Variants in CFAP54 observed in about 807,000 individuals in gnomAD.
CFAP54 encodes cilia and flagella associated protein 54, also known as cilia- and flagella-associated protein 54.
A neutral mutation model predicts 370.4 loss-of-function variants in CFAP54; 290 were observed. The observed-to-expected ratio is 0.78, with a 90% CI of 0.71 to 0.86. The LOEUF is 0.86. Ranked by LOEUF, CFAP54 falls within the 40% of genes least tolerant of loss-of-function variation. The probability of loss-of-function intolerance (pLI) is 0.00; values close to 1 mark genes in which losing one functional copy is unlikely to be tolerated. For synonymous variants in CFAP54, 1,206 were observed against 1,236.5 expected (o/e 0.98, Z 0.52); for missense variants, 3,399 against 3,528.7 (o/e 0.96, Z 0.93).
At chr12:96,594,630 A>G (rs1300889728) in intron 25 of CFAP54, among the ~76,000 whole-genome samples, 184 bp downstream of exon 25, 1 of 152,210 alleles carries the variant, frequency 6.6e-6, no homozygotes, top group Non-Finnish European at 1.5e-5. Context: ...CATATAGATA[A>G]GGACATAAAA....
chr12:96,597,691 C>T (rs1215843671), intron 25 of CFAP54, among the ~76,000 whole-genome samples: 1 of 151,588 alleles, frequency 6.6e-6, no homozygotes, highest in African/African-American at 2.4e-5. Context: ...GTCCAAAAAC[C>T]ATGTCTGGTG....
Position 96,664,005 on chromosome 12 carries a change from C to A in CFAP54, c.5563+73C>A, listed in dbSNP as rs947849663. 6 of 1,063,184 alleles carry A rather than the reference C, an allele frequency of 5.6e-6. No homozygotes were observed. In the African/African-American group the frequency reaches 8.0e-5, roughly 14 times the overall value. 65.9% of individuals were successfully genotyped at this position (1,063,184 alleles called of 1,614,324 possible). Reference sequence around the variant, plus strand: ...TTGCCATTGTGTTCTGCATGTCAAACCTTCCATAATTAGTATGTTTGTAAA... The same window carrying A: ...TTGCCATTGTGTTCTGCATGTCAAAACTTCCATAATTAGTATGTTTGTAAA... On this transcript the variant is annotated intron_variant, in intron 39 of 67. Coordinates refer to ENST00000524981, the MANE Select transcript of CFAP54 (RefSeq NM_001306084.2).
chr12:96,835,396 G>A (rs1426947197), intron 66 of CFAP54, among the ~76,000 whole-genome samples: 4 of 152,122 alleles, frequency 2.6e-5, no homozygotes, highest in Non-Finnish European at 5.9e-5. Context: ...CCAAGGGTGG[G>A]CCCGGAAAAG....
At chr12:96,497,975 G>A (rs1368729194) in intron 1 of CFAP54, among the ~76,000 whole-genome samples, 1 of 152,174 alleles carries the variant, frequency 6.6e-6, no homozygotes, top group African/African-American at 2.4e-5. Context: ...TCTGTGACTT[G>A]TCTTGAATTC....
chr12:96,838,333 G>T (rs912646996), intron 66 of CFAP54, among the ~76,000 whole-genome samples: 3 of 152,090 alleles, frequency 2.0e-5, no homozygotes, highest in African/African-American at 7.2e-5. Context: ...TTTACAAGCT[G>T]CAGCTAAGTA....
chr12:96,720,444 C>T lies in CFAP54; in HGVS notation c.6844C>T (p.Leu2282Phe). 1.3e-6 allele frequency: 2 copies of T among 1,589,788 alleles called. No homozygotes were observed. Among genetic ancestry groups the T allele is most frequent in the Non-Finnish European group, 8.6e-7 (1 of 1,167,248 alleles). The change falls in exon 50 of 68, where the codon CTT becomes TTT. Residue 2282 changes from leucine to phenylalanine, a missense_variant. Leu to Phe is a conservative substitution (Grantham distance 22, BLOSUM62 0). Transcript: ENST00000524981. ...LMEAEDRLNF[L>F]LSEVEQKTLS... ...GGAAGCTGAGGACAGGCTAAACTTC[C>T]TTCTGTCCGAGGTGGAACAGAAGAC...
intron 60 of CFAP54, among the ~76,000 whole-genome samples, chr12:96,769,507 C>G (rs1958435904): frequency 6.6e-6 from 1 of 152,220 alleles, no homozygotes; most frequent in Non-Finnish European, 1.5e-5. Context: ...GCAGCTCTCT[C>G]ATCAGCAGCT....
intron 26 of CFAP54, among the ~76,000 whole-genome samples, chr12:96,608,483 G>A (rs1369102099): frequency 1.0e-5 from 1 of 97,534 alleles, no homozygotes; most frequent in Non-Finnish European, 2.1e-5. Context: ...TTTTTTTGAG[G>A]CAGAGTCTCA....
At chr12:96,863,763 G>A (rs1334406418) in intron 67 of CFAP54, among the ~76,000 whole-genome samples, 1 of 151,890 alleles carries the variant, frequency 6.6e-6, no homozygotes, top group Non-Finnish European at 1.5e-5. Flanking sequence ...TCTGGGGAAG[G>A]CAGAGCTCTT....
At chr12:96,720,697 C>A in intron 50 of CFAP54, 132 bp downstream of exon 50, 1 of 777,342 alleles carries the variant, frequency 1.3e-6, no homozygotes. Flanking sequence ...TTTTATTATT[C>A]AGGGAAGTTT....
chr12:96,828,258 T>G (rs909397890), intron 65 of CFAP54, among the ~76,000 whole-genome samples: 4 of 151,250 alleles, frequency 2.6e-5, no homozygotes, highest in Non-Finnish European at 4.4e-5. Context: ...AGGTAGTGTT[T>G]GTCAGTATGA....
At chr12:96,656,273 A>G (rs1259161774) in intron 36 of CFAP54, among the ~76,000 whole-genome samples, 1 of 152,116 alleles carries the variant, frequency 6.6e-6, no homozygotes, top group African/African-American at 2.4e-5. Context: ...AATGTTGCCA[A>G]ATTTAGGAGA....
intron 12 of CFAP54, among the ~76,000 whole-genome samples, chr12:96,537,052 T>G (rs1347355100): frequency 6.6e-6 from 1 of 152,192 alleles, no homozygotes; most frequent in Non-Finnish European, 1.5e-5. Flanking sequence ...TCCCAAACAT[T>G]GCAGGAAGGT....
intron 64 of CFAP54, among the ~76,000 whole-genome samples, chr12:96,813,471 C>T (rs1283882871): frequency 6.6e-6 from 1 of 152,168 alleles, no homozygotes; most frequent in East Asian, 1.9e-4. Flanking sequence ...ACTTGGATAA[C>T]CTGCAAATTG....
chr12:96,826,630 A>T (rs1428670183), intron 65 of CFAP54, among the ~76,000 whole-genome samples: 2 of 108,184 alleles, frequency 1.8e-5, no homozygotes, highest in Non-Finnish European at 3.3e-5. Flanking sequence ...TATATGTTAT[A>T]TATTAAATAT....
At chr12:96,682,165 T>C (rs933347270) in intron 40 of CFAP54, 16 of 984,728 alleles carry the variant, frequency 1.6e-5, no homozygotes, top group Non-Finnish European at 1.9e-5. Flanking sequence ...AATAAATGAT[T>C]CAAAATGTAC....
intron 42 of CFAP54, 45 bp downstream of exon 42, chr12:96,685,283 C>T: frequency 6.4e-7 from 1 of 1,573,990 alleles, no homozygotes; most frequent in Non-Finnish European, 8.7e-7. Flanking sequence ...TAACAGCTTC[C>T]TTGTGGGGTG....
chr12:96,779,281 A>G (rs994348909), intron 60 of CFAP54, among the ~76,000 whole-genome samples: 3 of 152,120 alleles, frequency 2.0e-5, no homozygotes, highest in East Asian at 1.9e-4. Flanking sequence ...CTGATTTGTA[A>G]CAGATAGTTT....
chr12:96,772,244 A>G (rs34472), intron 60 of CFAP54, among the ~76,000 whole-genome samples: 141,578 of 152,274 alleles, frequency 0.93, 65,870 homozygotes, highest in East Asian at 1. Context: ...CTGCTGTAAC[A>G]AATTACCACA....
Sources: gnomAD v4.1 joint callset for allele counts (sites outside exome capture counted in the v4.1 genomes callset) on GRCh38, gnomAD v4.1.1 for gene constraint, MANE v1.5 for transcripts, NCBI Gene and HGNC (gene_info 2026-07-23, HGNC 2026-07-21) for gene names.